BEGAIN: variants seen among roughly 807,000 people sequenced by gnomAD.
BEGAIN encodes the protein brain-enriched guanylate kinase-associated protein.
A neutral mutation model predicts 35.8 loss-of-function variants in BEGAIN; 19 were observed. That is an observed-to-expected ratio of 0.53 (90% CI 0.37 to 0.78). The LOEUF is 0.78. Ranked by LOEUF, BEGAIN falls within the 30% of genes least tolerant of loss-of-function variation. The pLI is 0.00. For missense variants in BEGAIN, 795 were observed against 853.6 expected (o/e 0.93, Z 0.85); for synonymous variants, 462 against 388.6 (o/e 1.19, Z -2.22).
chr14:100,561,307 C>T (rs747987823), intron 2 of BEGAIN, among the ~76,000 whole-genome samples: 46 of 152,324 alleles, frequency 3.0e-4, no homozygotes, highest in Non-Finnish European at 5.7e-4. Context: ...CAGAGCCACC[C>T]GAGACGGGCA....
rs1324195373 is a variant in BEGAIN, at chr14:100,568,455, G to A, written c.43-516C>T. 7.0e-6 allele frequency: 9 copies of A among 1,285,974 alleles called. No homozygotes were observed. The Admixed American group carries it at 1.9e-4, about 26-fold the overall frequency. 79.7% of individuals were successfully genotyped at this position (1,285,974 alleles called of 1,614,324 possible). ...GAACCTGACACTCACACAATCCGAG[G>A]GCGATGGCATTTGGAGCCTCGACTC... On this transcript the variant is annotated intron_variant, in intron 1 of 6. Transcript: ENST00000554140. The surrounding 1 kb of genome is among the most constrained non-coding windows in gnomAD (Gnocchi z 7.5).
chr14:100,579,490 G>A (rs755111740), intron 1 of BEGAIN, among the ~76,000 whole-genome samples: 3 of 152,216 alleles, frequency 2.0e-5, no homozygotes, highest in Non-Finnish European at 4.4e-5. Flanking sequence ...CTGCTAGACT[G>A]AAGGAAGGCT....
At position 100,573,566 on chromosome 14, in the gene BEGAIN, G is replaced by A. The variant is rs947187181; in HGVS notation, c.43-5627C>T. Among the ~76,000 whole-genome samples the A allele has an allele frequency of 7.9e-5, 12 of 152,188 alleles. No individual in the cohort carries two copies. Among genetic ancestry groups the A allele is most frequent in the African/African-American group, 2.9e-4 (12 of 41,432 alleles). The stretch of plus-strand genomic sequence containing the variant: ...CAGGGCATCCAGCCAGGCCCACGGG[G>A]CCTGGGGTGGAGGTGGGAGGGATTC... On this transcript the variant is annotated intron_variant, in intron 1 of 6. Transcript: ENST00000554140. The surrounding 1 kb of genome is among the most constrained non-coding windows in gnomAD (Gnocchi z 4.2).
Position 100,573,816 on chromosome 14 carries a change from C to G in BEGAIN, c.43-5877G>C, listed in dbSNP as rs896128715. ...AATGGCCAGATCAGAGGTGACACAG[C>G]CGCAGCACTGGGGAGGCCGCCAGGG... On this transcript the variant is annotated intron_variant, in intron 1 of 6. Transcript: ENST00000554140. This position sits in a 1 kb window ranked among gnomAD's most constrained non-coding sequence, Gnocchi z 4.2. Among the ~76,000 whole-genome samples, 3 of 152,028 alleles carry G rather than the reference C, an allele frequency of 2.0e-5. No homozygotes were observed. Among genetic ancestry groups the G allele is most frequent in the African/African-American group, 7.3e-5 (3 of 41,352 alleles).
At chr14:100,585,207 CCA>C in intron 1 of BEGAIN, among the ~76,000 whole-genome samples, 1 of 123,758 alleles carries the variant, frequency 8.1e-6, no homozygotes, top group African/African-American at 3.3e-5. Context: ...ATCCATCCAT[CCA>C]TCCATCCATC....
chr14:100,556,827 G>A (rs1186610986), intron 2 of BEGAIN, among the ~76,000 whole-genome samples: 1 of 152,206 alleles, frequency 6.6e-6, no homozygotes, highest in Non-Finnish European at 1.5e-5. Flanking sequence ...GGGACAGCTG[G>A]GTTTCTGACG....
intron 2 of BEGAIN, chr14:100,547,721 C>T (rs1001456027): frequency 6.6e-6 from 1 of 152,298 alleles, no homozygotes; most frequent in African/African-American, 2.4e-5. Flanking sequence ...GCAGAAGTCC[C>T]GGGTGTCATG....
rs536452265 is a variant in BEGAIN at position 100,542,739 on chromosome 14, GC to G, written c.408+1118del. On this transcript the variant is annotated intron_variant, in intron 5 of 6. Coordinates refer to ENST00000554140, the MANE Select transcript of BEGAIN (RefSeq NM_001385089.1). ...TCTGCCCAGTTCCACCGTCATCTGA[GC>G]CACCATCATCTTTTGGACTATGGTC... Among the ~76,000 whole-genome samples, 7 of 152,296 alleles carry G rather than the reference GC, an allele frequency of 4.6e-5. No individual in the cohort carries two copies. In the South Asian group the frequency reaches 1.5e-3, roughly 32 times the overall value.
chr14:100,537,877 G>C lies in BEGAIN; in HGVS notation c.*92C>G. 6.8e-7 allele frequency: 1 copy of C among 1,464,654 alleles called. No homozygotes were observed. The highest frequency in any genetic ancestry group is 9.0e-7 in the Non-Finnish European group (1 of 1,105,732). 90.7% of individuals were successfully genotyped at this position (1,464,654 alleles called of 1,614,324 possible). ...CTCCTCGTTGTTGGCCGGGGCAGGG[G>C]AACAGCGGGGGCTGGGGAGAGGTGA... On this transcript the variant is annotated 3_prime_UTR_variant, in exon 7 of 7. Transcript: ENST00000554140.
At position 100,566,858 on chromosome 14, in the gene BEGAIN, C is replaced by T. The variant is rs114846273; in HGVS notation, c.71+1053G>A. ...AGGAGATGGCCCTGCTCTGAGAGTC[C>T]ACCCTGGGTCTCTGTGTGAGCCCAC... On this transcript the variant is annotated intron_variant, in intron 2 of 6. Coordinates refer to ENST00000554140, the MANE Select transcript of BEGAIN (RefSeq NM_001385089.1). Among the ~76,000 whole-genome samples the T allele has an allele frequency of 2.9e-3, 437 of 152,244 alleles. 1 individual carries two copies. Among genetic ancestry groups the T allele is most frequent in the African/African-American group, 0.01 (424 of 41,548 alleles).
chr14:100,583,965 C>G (rs1044025849), intron 1 of BEGAIN, among the ~76,000 whole-genome samples: 1 of 152,212 alleles, frequency 6.6e-6, no homozygotes, highest in Non-Finnish European at 1.5e-5. Flanking sequence ...TCCCAAAGTG[C>G]TGGGATTACA....
intron 1 of BEGAIN, chr14:100,569,693 C>T (rs556434970): frequency 6.5e-6 from 1 of 154,752 alleles, no homozygotes; most frequent in South Asian, 2.0e-4. Context: ...CAGGATCAAA[C>T]CAAACCCAAG....
At chr14:100,578,322 G>A (rs1359536499) in intron 1 of BEGAIN, among the ~76,000 whole-genome samples, 3 of 152,232 alleles carry the variant, frequency 2.0e-5, no homozygotes, top group African/African-American at 7.2e-5. Context: ...TGCGGTGCAG[G>A]GTGCAGGGGC....
intron 2 of BEGAIN, chr14:100,550,432 G>C (rs908262349): frequency 2.3e-5 from 9 of 399,078 alleles, no homozygotes; most frequent in Non-Finnish European, 3.5e-5. Flanking sequence ...GTCCCAGATG[G>C]AGGGCGAGGA....
chr14:100,550,926 C>T (rs1276886511), intron 2 of BEGAIN, among the ~76,000 whole-genome samples: 1 of 152,184 alleles, frequency 6.6e-6, no homozygotes, highest in African/African-American at 2.4e-5. Context: ...CCTCACAGGA[C>T]ACAGGTGGGG....
In BEGAIN at chr14:100,546,483, C is replaced by G. The variant is rs1258339080; in HGVS notation, c.233+18G>C. The G allele has an allele frequency of 3.6e-6, 5 of 1,384,580 alleles. No individual in the cohort carries two copies. Among genetic ancestry groups the G allele is most frequent in the Non-Finnish European group, 3.8e-6 (4 of 1,048,484 alleles). 85.8% of individuals were successfully genotyped at this position (1,384,580 alleles called of 1,614,324 possible). A position where few individuals can be genotyped will look rare whatever the true frequency, so the allele number is the denominator to read the frequency against. On this transcript the variant is annotated intron_variant, in intron 3 of 6. Transcript: ENST00000554140. ...GCCCCGGCCCTCGCCCCGCCCCGGC[C>G]CTCGCCCCGCCCCTCACCTGCGCAG...
intron 1 of BEGAIN, among the ~76,000 whole-genome samples, chr14:100,574,198 G>C (rs917668609): frequency 6.6e-6 from 1 of 152,252 alleles, no homozygotes; most frequent in Non-Finnish European, 1.5e-5. Flanking sequence ...CTGATCAATG[G>C]GAGAGGGAAG....
chr14:100,560,747 G>A (rs2034170347), intron 2 of BEGAIN, among the ~76,000 whole-genome samples: 2 of 152,202 alleles, frequency 1.3e-5, no homozygotes, highest in African/African-American at 4.8e-5. Flanking sequence ...GAGAGGCCCA[G>A]AAGACCTGGT....
In BEGAIN at chr14:100,540,717, G is replaced by A. The variant is rs2031477295; in HGVS notation, c.409-138C>T. 4 of 633,918 alleles carry A rather than the reference G, an allele frequency of 6.3e-6. No homozygotes were observed. The Admixed American group carries it at 1.1e-4, about 17-fold the overall frequency. The allele number at this position is 633,918 out of a possible 1,614,324, so 39.3% of individuals were successfully genotyped here. A position where few individuals can be genotyped will look rare whatever the true frequency, so the allele number is the denominator to read the frequency against. ...CTCAGCAGGACAAGGACCCACTGCT[G>A]GCTCCGGCCCTCTCTGGCCTCCACA... On this transcript the variant is annotated intron_variant, in intron 5 of 6. Coordinates refer to ENST00000554140, the MANE Select transcript of BEGAIN (RefSeq NM_001385089.1).
Sources: allele counts gnomAD v4.1 joint callset (sites outside exome capture counted in the v4.1 genomes callset), GRCh38; gene constraint gnomAD v4.1.1; non-coding constraint Gnocchi (gnomAD v3.1); transcripts MANE v1.5; gene names NCBI Gene and HGNC (gene_info 2026-07-23, HGNC 2026-07-21).